SNTG2: variants seen among roughly 807,000 people sequenced by gnomAD.
SNTG2 encodes syntrophin gamma 2, also known as gamma-2-syntrophin.
A neutral mutation model predicts 70.9 loss-of-function variants in SNTG2; 74 were observed. The observed-to-expected ratio is 1.04, with a 90% CI of 0.86 to 1.27. The LOEUF (loss-of-function observed/expected upper bound fraction) is 1.27, where lower values mean the gene tolerates loss of function less well. SNTG2 is among the 50% of genes most tolerant of loss of function. SNTG2 has a pLI of 0.00. For synonymous variants in SNTG2, 278 were observed against 273.8 expected, an observed-to-expected ratio of 1.02 and a Z score of -0.15; for missense variants, 717 against 690.7, an observed-to-expected ratio of 1.04 and a Z score of -0.43.
At chr2:1,325,176 T>A (rs1312945298) in intron 16 of SNTG2, among the ~76,000 whole-genome samples, 1 of 152,180 alleles carries the variant, frequency 6.6e-6, no homozygotes, top group Non-Finnish European at 1.5e-5. Flanking sequence ...GTGCCTCCAG[T>A]CAAGTCCTAT....
intron 16 of SNTG2, among the ~76,000 whole-genome samples, chr2:1,357,479 G>T (rs1660914085): frequency 6.6e-6 from 1 of 152,100 alleles, no homozygotes; most frequent in African/African-American, 2.4e-5. Flanking sequence ...ATTGAATTCA[G>T]TTGACTAGTA....
chr2:1,033,194 A>G (rs1363330849), intron 1 of SNTG2, among the ~76,000 whole-genome samples: 1 of 152,160 alleles, frequency 6.6e-6, no homozygotes, highest in East Asian at 1.9e-4. Context: ...TTTGGAGGAA[A>G]CAGCATCCCA....
intron 2 of SNTG2, among the ~76,000 whole-genome samples, chr2:1,084,552 C>G (rs4971373): frequency 6.6e-6 from 1 of 152,004 alleles, no homozygotes; most frequent in Non-Finnish European, 1.5e-5. Context: ...AGTTGCTCTT[C>G]CCTGGAACCC....
intron 1 of SNTG2, among the ~76,000 whole-genome samples, chr2:1,025,692 TC>T (rs1660444144): frequency 6.6e-6 from 1 of 152,106 alleles, no homozygotes; most frequent in African/African-American, 2.4e-5. Flanking sequence ...GGCCCTCCTG[TC>T]CCCTCTCTGC....
intron 2 of SNTG2, among the ~76,000 whole-genome samples, chr2:1,089,094 A>G (rs6548186): frequency 0.57 from 86,296 of 152,046 alleles, 24,831 homozygotes; most frequent in East Asian, 0.63. Flanking sequence ...AAAAGTGGAC[A>G]GTCTTGCTGA....
At chr2:1,081,177 C>T (rs983560495) in intron 1 of SNTG2, among the ~76,000 whole-genome samples, 3 of 152,220 alleles carry the variant, frequency 2.0e-5, no homozygotes, top group Non-Finnish European at 4.4e-5. Context: ...GGGCTAGGGG[C>T]TCAGTGCTTG....
Position 1,097,439 on chromosome 2 carries a change from A to G in SNTG2, c.211-757A>G, listed in dbSNP as rs953028754. Among the ~76,000 whole-genome samples, 2 of 152,172 alleles carry G rather than the reference A, an allele frequency of 1.3e-5. No individual in the cohort carries two copies. The highest frequency in any genetic ancestry group is 4.8e-5 in the African/African-American group (2 of 41,418). ...TTTTCCTGTAGTGTATTTTTGAGGT[A>G]AAAGCACCCTTTGGCCACTGTCCGT... On this transcript the variant is annotated intron_variant, in intron 2 of 16. Transcript: ENST00000308624. The surrounding 1 kb of genome is among the most constrained non-coding windows in gnomAD (Gnocchi z 4.1).
chr2:1,079,686 A>G (rs1664154973), intron 1 of SNTG2, among the ~76,000 whole-genome samples: 1 of 152,096 alleles, frequency 6.6e-6, no homozygotes, highest in South Asian at 2.1e-4. Flanking sequence ...TTCTCTGTGG[A>G]CACCAAGTTC....
At chr2:1,164,161 G>T (rs1296981829) in intron 6 of SNTG2, among the ~76,000 whole-genome samples, 2 of 152,080 alleles carry the variant, frequency 1.3e-5, no homozygotes, top group Non-Finnish European at 2.9e-5. Flanking sequence ...GGCCTGGGAG[G>T]ATGAAGTGAG....
intron 9 of SNTG2, among the ~76,000 whole-genome samples, chr2:1,224,619 C>T (rs1483357084): frequency 6.6e-6 from 1 of 152,240 alleles, no homozygotes; most frequent in Admixed American, 6.5e-5. Flanking sequence ...AGACAGAACC[C>T]TCGGCGGCAT....
intron 16 of SNTG2, among the ~76,000 whole-genome samples, chr2:1,319,510 A>C (rs1681429168): frequency 6.6e-6 from 1 of 152,126 alleles, no homozygotes; most frequent in Non-Finnish European, 1.5e-5. Flanking sequence ...CCTCCGTGGC[A>C]CCCCTGGGAT....
At chr2:1,017,008 T>C (rs975666435) in intron 1 of SNTG2, among the ~76,000 whole-genome samples, 5 of 152,176 alleles carry the variant, frequency 3.3e-5, no homozygotes, top group African/African-American at 1.2e-4. Context: ...CAGAGCTGGA[T>C]GAGCTATGAG....
At chr2:1,359,814 T>C (rs1215050408) in intron 16 of SNTG2, among the ~76,000 whole-genome samples, 1 of 152,232 alleles carries the variant, frequency 6.6e-6, no homozygotes, top group Non-Finnish European at 1.5e-5. Flanking sequence ...GTTATGTGCT[T>C]CCATAAACTA....
At chr2:971,837 C>T (rs997984737) in intron 1 of SNTG2, among the ~76,000 whole-genome samples, 2 of 151,812 alleles carry the variant, frequency 1.3e-5, no homozygotes, top group Non-Finnish European at 2.9e-5. Flanking sequence ...AGGTGTGTTC[C>T]AGAGATTCTG....
chr2:1,296,336 TTATACA>T (rs1475419909), intron 14 of SNTG2, among the ~76,000 whole-genome samples: 1 of 152,254 alleles, frequency 6.6e-6, no homozygotes, highest in Non-Finnish European at 1.5e-5. Context: ...TTTATAAAAC[TTATACA>T]TATTTTGACT....
chr2:1,183,203 A>G (rs1472187166), intron 8 of SNTG2, among the ~76,000 whole-genome samples: 2 of 151,892 alleles, frequency 1.3e-5, no homozygotes, highest in East Asian at 1.9e-4. Flanking sequence ...TTTCCTTGCT[A>G]TCCAGTATTC....
chr2:1,114,914 G>C (rs1402652378), intron 4 of SNTG2, among the ~76,000 whole-genome samples: 1 of 152,058 alleles, frequency 6.6e-6, no homozygotes, highest in Non-Finnish European at 1.5e-5. Flanking sequence ...AGTCCTTTGA[G>C]GAGGGTCTTG....
intron 16 of SNTG2, among the ~76,000 whole-genome samples, chr2:1,342,143 G>C (rs143068969): frequency 6.6e-6 from 1 of 152,206 alleles, no homozygotes; most frequent in Non-Finnish European, 1.5e-5. Context: ...AGCCTTCGTA[G>C]CAAGTCCTCT....
At chr2:974,892 T>C (rs1221643288) in intron 1 of SNTG2, among the ~76,000 whole-genome samples, 2 of 152,342 alleles carry the variant, frequency 1.3e-5, no homozygotes, top group East Asian at 1.9e-4. Flanking sequence ...TTATGTATTC[T>C]ACATATATAC....
Sources: gnomAD v4.1 joint callset for allele counts (sites outside exome capture counted in the v4.1 genomes callset) on GRCh38, gnomAD v4.1.1 for gene constraint, Gnocchi (gnomAD v3.1) non-coding constraint, MANE v1.5 for transcripts, NCBI Gene and HGNC (gene_info 2026-07-23, HGNC 2026-07-21) for gene names.